GLMN: variants seen among roughly 807,000 people sequenced by gnomAD.
GLMN encodes the protein glomulin.
GLMN carries 75 observed loss-of-function variants against 87.8 expected under a neutral mutation model. The ratio of observed to expected loss-of-function variants is 0.85; its 90% CI spans 0.71 to 1.04. GLMN has a LOEUF of 1.04. Ranked by LOEUF, GLMN falls within the 50% of genes least tolerant of loss-of-function variation. GLMN has a pLI of 0.00. For synonymous variants in GLMN, 206 were observed against 221.6 expected, an observed-to-expected ratio of 0.93 and a Z score of 0.63; for missense variants, 588 against 658.8, an observed-to-expected ratio of 0.89 and a Z score of 1.18.
chr1:92,247,234 T>C lies in GLMN; in HGVS notation c.1586-90A>G, dbSNP rs1351778946. Reference sequence around the variant, plus strand: ...TACTTTCATTCACTAACTTAAAACATGTCAGTTATTTGTATAAATTATTAA... The same window carrying C: ...TACTTTCATTCACTAACTTAAAACACGTCAGTTATTTGTATAAATTATTAA... On this transcript the variant is annotated intron_variant, in intron 17 of 18. Coordinates refer to ENST00000370360, the MANE Select transcript of GLMN (RefSeq NM_053274.3). 7 of 768,708 alleles carry C rather than the reference T, an allele frequency of 9.1e-6. No individual in the cohort carries two copies. In the African/African-American group the frequency reaches 1.0e-4, roughly 11 times the overall value. The allele number at this position is 768,708 out of a possible 1,614,324, so 47.6% of individuals were successfully genotyped here.
intron 7 of GLMN, among the ~76,000 whole-genome samples, chr1:92,282,298 T>C (rs1314365474): frequency 6.6e-6 from 1 of 152,092 alleles, no homozygotes; most frequent in Admixed American, 6.6e-5. Context: ...TGCAATCAAA[T>C]TAGAACTCAG....
At chr1:92,288,781 C>A in intron 6 of GLMN, 133 bp downstream of exon 6, 1 of 685,222 alleles carries the variant, frequency 1.5e-6, no homozygotes, top group Non-Finnish European at 2.6e-6. Flanking sequence ...ATCAACTGAA[C>A]CCCACATTCT....
intron 16 of GLMN, among the ~76,000 whole-genome samples, chr1:92,251,728 ATTTT>A (rs1176588692): frequency 6.6e-6 from 1 of 151,252 alleles, no homozygotes; most frequent in African/African-American, 2.4e-5. Context: ...TAAGTTGAAA[ATTTT>A]TTTCTTTCAT....
chr1:92,253,520 T>G (rs1162401920), intron 16 of GLMN, among the ~76,000 whole-genome samples: 1 of 152,126 alleles, frequency 6.6e-6, no homozygotes, highest in African/African-American at 2.4e-5. Flanking sequence ...ACAGGAGAGC[T>G]CCGGCTGGCA....
At chr1:92,301,127 G>T (rs1426666743), upstream of GLMN, among the ~76,000 whole-genome samples, 3 of 152,158 alleles carry the variant, frequency 2.0e-5, no homozygotes, top group Non-Finnish European at 4.4e-5. Flanking sequence ...TTATGTATGT[G>T]CAGTGCAAAA....
upstream of GLMN, chr1:92,303,910 C>A: frequency 2.9e-6 from 3 of 1,049,194 alleles, no homozygotes; most frequent in Non-Finnish European, 2.9e-6. Flanking sequence ...ATTGATGAGG[C>A]TTAGAGAGCT....
At position 92,269,922 on chromosome 1, in the gene GLMN, T is replaced by G. The variant is rs905668526; in HGVS notation, c.924-146A>C. ...TCTAGTACCTCAGAATTTGACCTTATTTGGAGATAGGGTTATGGAGGTAAT... is the reference window on the plus strand; with the variant it reads ...TCTAGTACCTCAGAATTTGACCTTAGTTGGAGATAGGGTTATGGAGGTAAT... On this transcript the variant is annotated intron_variant, in intron 8 of 18. Coordinates refer to ENST00000370360, the MANE Select transcript of GLMN (RefSeq NM_053274.3). 1.6e-5 allele frequency: 10 copies of G among 634,388 alleles called. No individual in the cohort carries two copies. In the African/African-American group the frequency reaches 1.8e-4, roughly 12 times the overall value. The allele number at this position is 634,388 out of a possible 1,614,324, so 39.3% of individuals were successfully genotyped here.
chr1:92,323,728 G>A, the GLMN span: 7 of 1,614,170 alleles, frequency 4.3e-6, no homozygotes, highest in East Asian at 1.3e-4. Context: ...AGTAGTAGAT[G>A]TCACTGAGCA....
At chr1:92,330,367 G>A in the GLMN span, among the ~76,000 whole-genome samples, 53 of 147,348 alleles carry the variant, frequency 3.6e-4, no homozygotes, top group Non-Finnish European at 7.6e-4. Context: ...TAAAATTAAT[G>A]TTAGTTCTTT....
At chr1:92,254,770 A>G (rs566851540) in intron 16 of GLMN, among the ~76,000 whole-genome samples, 1 of 152,348 alleles carries the variant, frequency 6.6e-6, no homozygotes, top group African/African-American at 2.4e-5. Flanking sequence ...AGCACTAAAT[A>G]TGGAAAGGAA....
intron 8 of GLMN, among the ~76,000 whole-genome samples, chr1:92,270,270 A>G (rs986083798): frequency 1.3e-5 from 2 of 152,218 alleles, no homozygotes; most frequent in Non-Finnish European, 2.9e-5. Context: ...GTTAATATAC[A>G]TATGCTGTAT....
chr1:92,327,651 T>C, the GLMN span, among the ~76,000 whole-genome samples: 1 of 152,228 alleles, frequency 6.6e-6, no homozygotes, highest in African/African-American at 2.4e-5. Context: ...GCCATTTACA[T>C]TCAATGTTAG....
chr1:92,349,362 T>G, the GLMN span, among the ~76,000 whole-genome samples: 1 of 152,230 alleles, frequency 6.6e-6, no homozygotes, highest in Non-Finnish European at 1.5e-5. Context: ...TGAAAGCTGT[T>G]TTCAGAATTC....
chr1:92,268,076 TTAAGTTA>T, intron 10 of GLMN, 22 bp downstream of exon 10: 1 of 1,424,922 alleles, frequency 7.0e-7, no homozygotes, highest in Non-Finnish European at 9.9e-7. Flanking sequence ...AACTATGTAT[TTAAGTTA>T]TAATGGGAAC....
chr1:92,303,990 C>T, the GLMN span: 1 of 1,608,686 alleles, frequency 6.2e-7, no homozygotes, highest in East Asian at 2.2e-5. Flanking sequence ...AGGTTCATTA[C>T]ACCTGCTCAC....
At chr1:92,335,881 C>A in the GLMN span, among the ~76,000 whole-genome samples, 1 of 152,010 alleles carries the variant, frequency 6.6e-6, no homozygotes, top group East Asian at 1.9e-4. Flanking sequence ...AAATTTTTTT[C>A]ATAGTAAAAC....
chr1:92,300,141 C>A, upstream of GLMN: 2 of 1,251,918 alleles, frequency 1.6e-6, no homozygotes, highest in African/African-American at 3.0e-5. Flanking sequence ...TGTATGCTGT[C>A]CGTCGTTTAC....
At chr1:92,334,709 G>A in the GLMN span, among the ~76,000 whole-genome samples, 11 of 151,944 alleles carry the variant, frequency 7.2e-5, no homozygotes, top group Non-Finnish European at 1.2e-4. Flanking sequence ...AAATTCGGCC[G>A]AGTGCAGTGG....
intron 16 of GLMN, among the ~76,000 whole-genome samples, chr1:92,259,732 CTTTTTTTT>C (rs58390058): frequency 8.3e-5 from 9 of 108,192 alleles, no homozygotes; most frequent in South Asian, 3.4e-4. Context: ...TTTTTTCTTT[CTTTTTTTT>C]TTTTTTTTTT....
Sources: gnomAD v4.1 joint callset for allele counts (sites outside exome capture counted in the v4.1 genomes callset) on GRCh38, gnomAD v4.1.1 for gene constraint, MANE v1.5 for transcripts, NCBI Gene and HGNC (gene_info 2026-07-23, HGNC 2026-07-21) for gene names.